NCAM1: variants seen among roughly 807,000 people sequenced by gnomAD.
The protein encoded by NCAM1 is antigen recognized by monoclonal antibody 5.1H11.
A neutral mutation model predicts 109.8 loss-of-function variants in NCAM1; 14 were observed. The observed-to-expected ratio is 0.13, with a 90% CI of 0.08 to 0.20. The LOEUF is 0.20. NCAM1 is among the 10% of genes least tolerant of loss of function. The probability of loss-of-function intolerance (pLI) is 1.00; values close to 1 mark genes in which losing one functional copy is unlikely to be tolerated. For synonymous variants in NCAM1, 418 were observed against 442.9 expected (o/e 0.94, Z 0.70); for missense variants, 774 against 1,109.9 (o/e 0.70, Z 4.30).
At chr11:113,172,701 A>G (rs1472950143) in intron 1 of NCAM1, among the ~76,000 whole-genome samples, 1 of 152,228 alleles carries the variant, frequency 6.6e-6, no homozygotes, top group Non-Finnish European at 1.5e-5. Context: ...GTAGAAATGA[A>G]TAAAGCTGTT....
At chr11:113,205,848 C>T (rs1291365270) in intron 4 of NCAM1, among the ~76,000 whole-genome samples, 182 bp downstream of exon 4, 2 of 152,134 alleles carry the variant, frequency 1.3e-5, no homozygotes, top group Non-Finnish European at 2.9e-5. Context: ...CTGATTTTCT[C>T]TCCAGTACGA....
At chr11:112,996,573 C>G (rs1436868035) in intron 1 of NCAM1, among the ~76,000 whole-genome samples, 2 of 152,102 alleles carry the variant, frequency 1.3e-5, no homozygotes, top group Non-Finnish European at 2.9e-5. Context: ...GATTATTTTC[C>G]TGGAATTAAA....
intron 1 of NCAM1, among the ~76,000 whole-genome samples, chr11:113,092,701 A>G (rs111776544): frequency 9.8e-4 from 149 of 152,328 alleles, no homozygotes; most frequent in African/African-American, 3.4e-3. Flanking sequence ...ATTGAGGGCT[A>G]CAGAATCAAG....
At chr11:113,139,691 C>A (rs1243406726) in intron 1 of NCAM1, among the ~76,000 whole-genome samples, 1 of 151,600 alleles carries the variant, frequency 6.6e-6, no homozygotes, top group Non-Finnish European at 1.5e-5. Context: ...GAAAATAAAA[C>A]CAAGTATTAT....
intron 14 of NCAM1, among the ~76,000 whole-genome samples, chr11:113,240,058 A>C (rs587761): frequency 0.8 from 122,216 of 152,190 alleles, 49,328 homozygotes; most frequent in South Asian, 0.91. Context: ...ACACAGAAGA[A>C]TGGCTAGAAT....
chr11:113,224,212 A>G (rs192903477), intron 9 of NCAM1, among the ~76,000 whole-genome samples: 2,010 of 152,288 alleles, frequency 0.013, 31 homozygotes, highest in African/African-American at 0.039. Context: ...ACAGCATCTG[A>G]AAAATTGGGT....
intron 1 of NCAM1, among the ~76,000 whole-genome samples, chr11:112,984,168 G>A (rs1438946139): frequency 6.6e-6 from 1 of 151,906 alleles, no homozygotes. Flanking sequence ...TTTTCCTCGT[G>A]TGTCTGGCTT....
At position 113,233,113 on chromosome 11, in the gene NCAM1, C is replaced by A; in HGVS notation, c.1523-34C>A. ...GTTAATGGTCTTGGGCCAAACTGGG[C>A]TCACCTGAGTCTCCATATGTGTCTT... is the stretch of plus-strand genomic sequence containing the variant. On this transcript the variant is annotated intron_variant, in intron 12 of 19. Coordinates refer to ENST00000316851, the MANE Select transcript of NCAM1 (RefSeq NM_181351.5). This position sits in a 1 kb window ranked among gnomAD's most constrained non-coding sequence, Gnocchi z 4.5. The A allele has an allele frequency of 6.3e-7, 1 of 1,596,780 alleles. No homozygotes were observed. The highest frequency in any genetic ancestry group is 1.1e-5 in the South Asian group (1 of 87,732).
rs781869287 is a variant in NCAM1, at chr11:113,221,309, G to A, written c.1073G>A (p.Arg358Gln). 1.9e-5 allele frequency: 30 copies of A among 1,566,344 alleles called. No homozygotes were observed. Among genetic ancestry groups the A allele is most frequent in the East Asian group, 4.6e-5 (2 of 43,050 alleles). The stretch of plus-strand genomic sequence containing the variant: ...TGTTTTCTCCAGGCTTCGTGGACTC[G>A]ACCAGAGAAGCAAGAGGTATAGCTT... The part of the protein sequence containing the change: ...ISSEEKASWT[R>Q]PEKQETLDGH... Residue 358 changes from arginine to glutamine, a missense_variant, in exon 9 of 20, where the codon CGA becomes CAA. Around this residue, in one of 4 missense-constraint regions of NCAM1, gnomAD observed 523 missense variants for 784.2 expected, o/e 0.67. Transcript: ENST00000316851.
At chr11:113,250,923 G>A (rs1233794496) in intron 15 of NCAM1, among the ~76,000 whole-genome samples, 1 of 152,198 alleles carries the variant, frequency 6.6e-6, no homozygotes, top group Non-Finnish European at 1.5e-5. Flanking sequence ...TCAGCCTCCT[G>A]CGTAGCTGGG....
intron 1 of NCAM1, among the ~76,000 whole-genome samples, chr11:113,190,027 GT>G: frequency 6.6e-6 from 1 of 152,160 alleles, no homozygotes; most frequent in Admixed American, 6.5e-5. Context: ...CAGTGACCAA[GT>G]TTGTGTGTTT....
At chr11:113,049,523 C>T (rs1953391471) in intron 1 of NCAM1, among the ~76,000 whole-genome samples, 2 of 152,114 alleles carry the variant, frequency 1.3e-5, no homozygotes, top group Non-Finnish European at 2.9e-5. Context: ...CTTCTGCTTC[C>T]ATTATTTGAG....
At chr11:113,106,920 C>G (rs1555092679) in intron 1 of NCAM1, among the ~76,000 whole-genome samples, 1 of 152,192 alleles carries the variant, frequency 6.6e-6, no homozygotes, top group African/African-American at 2.4e-5. Context: ...ACACAGTCAA[C>G]AGTTGCTTGT....
chr11:113,204,325 C>T lies in NCAM1; in HGVS notation c.167C>T (p.Ser56Phe), dbSNP rs370673346. The T allele has an allele frequency of 2.4e-5, 39 of 1,613,552 alleles. No homozygotes were observed. Among genetic ancestry groups the T allele is most frequent in the Non-Finnish European group, 3.3e-5 (39 of 1,179,744 alleles). Residue 56 changes from serine (S) to phenylalanine (F), a missense_variant, in exon 3 of 20, where the codon TCC (serine) becomes TTC (phenylalanine). Around this residue, in one of 4 missense-constraint regions of NCAM1, gnomAD observed 112 missense variants for 142.0 expected, o/e 0.79. Transcript: ENST00000316851. ...AAAGATAAAGACATCTCCTGGTTCT[C>T]CCCCAATGGAGAAAAGCTCACCCCA... ...DAKDKDISWFSPNGEKLTPNQ... is the reference protein window; with the variant it reads ...DAKDKDISWFFPNGEKLTPNQ...
At chr11:112,974,221 A>G (rs190183309) in intron 1 of NCAM1, among the ~76,000 whole-genome samples, 1 of 152,178 alleles carries the variant, frequency 6.6e-6, no homozygotes, top group East Asian at 1.9e-4. Flanking sequence ...TTCTTTCTTG[A>G]TGCAATATCT....
chr11:113,206,642 A>T (rs1460401192), intron 5 of NCAM1, among the ~76,000 whole-genome samples: 2 of 152,234 alleles, frequency 1.3e-5, no homozygotes, highest in Non-Finnish European at 2.9e-5. Flanking sequence ...GACATTTACA[A>T]GATGTTTACA....
At chr11:112,999,019 A>G (rs1471965154) in intron 1 of NCAM1, among the ~76,000 whole-genome samples, 1 of 152,188 alleles carries the variant, frequency 6.6e-6, no homozygotes, top group Admixed American at 6.5e-5. Flanking sequence ...TTTATTTCAG[A>G]TGCTAATTAA....
At chr11:113,165,654 T>C (rs2362214) in intron 1 of NCAM1, among the ~76,000 whole-genome samples, 2 of 152,112 alleles carry the variant, frequency 1.3e-5, no homozygotes, top group Non-Finnish European at 2.9e-5. Context: ...CTATTGTCCA[T>C]GCCTGAGTGA....
At chr11:113,080,709 G>A (rs116189868) in intron 1 of NCAM1, among the ~76,000 whole-genome samples, 2,024 of 152,314 alleles carry the variant, frequency 0.013, 40 homozygotes, top group African/African-American at 0.045. Context: ...TGACTACATT[G>A]CCAAAACATT....
Sources: allele counts gnomAD v4.1 joint callset (sites outside exome capture counted in the v4.1 genomes callset), GRCh38; gene constraint gnomAD v4.1.1; regional missense constraint gnomAD v4.1.1; non-coding constraint Gnocchi (gnomAD v3.1); transcripts MANE v1.5; gene names NCBI Gene and HGNC (gene_info 2026-07-23, HGNC 2026-07-21).